Variants in CREBBP observed in about 807,000 individuals in gnomAD.
CREBBP encodes CREB binding lysine acetyltransferase.
CREBBP carries 19 observed loss-of-function variants against 265.0 expected under a neutral mutation model. That is an observed-to-expected ratio of 0.07 (90% CI 0.05 to 0.11). The LOEUF (loss-of-function observed/expected upper bound fraction) is 0.11. Among genes scored for constraint, CREBBP ranks in the 10% least tolerant of loss-of-function variants. The probability of loss-of-function intolerance (pLI) is 1.00; values close to 1 mark genes in which losing one functional copy is unlikely to be tolerated. For synonymous variants in CREBBP, 1,457 were observed against 1,223.7 expected (o/e 1.19, Z -3.98); for missense variants, 2,525 against 3,219.0 (o/e 0.78, Z 5.22).
intron 3 of CREBBP, among the ~76,000 whole-genome samples, chr16:3,799,277 C>A (rs1269794979): frequency 6.6e-6 from 1 of 152,060 alleles, no homozygotes; most frequent in African/African-American, 2.4e-5. Context: ...AAATACCACT[C>A]AACTGTACAC....
chr16:3,862,281 G>C lies in CREBBP; in HGVS notation c.86-11272C>G, dbSNP rs188962699. Among the ~76,000 whole-genome samples the C allele has an allele frequency of 2.6e-4, 39 of 152,300 alleles. 1 individual carries two copies. The highest frequency in any genetic ancestry group is 7.8e-4 in the Admixed American group (12 of 15,304). ...TCCAAAGAGGCAGGGACAGAAGACA[G>C]CAAGACAGGCAGGCAGAGATGGCTG... On this transcript the variant is annotated intron_variant, in intron 1 of 30. Transcript: ENST00000262367.
In CREBBP at chr16:3,731,456, G is replaced by T. The variant is rs945676155; in HGVS notation, c.4908C>A (p.His1636Gln). 6.3e-7 allele frequency: 1 copy of T among 1,591,744 alleles called. No individual in the cohort carries two copies. Among genetic ancestry groups the T allele is most frequent in the South Asian group, 1.1e-5 (1 of 88,050 alleles). ...EKHKEVFFVI[H>Q]LHAGPVINTL... is the part of the protein sequence containing the mutation. The stretch of plus-strand genomic sequence containing the variant: ...TGTTGATGACAGGCCCAGCGTGCAG[G>T]TGGATCACGAAGAAGACCTGCAGGA... Residue 1636 changes from histidine to glutamine, a missense_variant, in exon 30 of 31, where the codon CAC becomes CAA. By Grantham distance (24) the His-to-Gln change is conservative. Transcript: ENST00000262367. The surrounding 1 kb of genome is among the most constrained non-coding windows in gnomAD (Gnocchi z 7.7).
intron 28 of CREBBP, among the ~76,000 whole-genome samples, chr16:3,733,083 C>A (rs1208999071): frequency 3.3e-5 from 5 of 152,052 alleles, no homozygotes; most frequent in African/African-American, 1.2e-4. Flanking sequence ...AACAATCCAG[C>A]CGGGCGGGGT....
At chr16:3,758,140 CAGAA>C (rs993209863) in intron 17 of CREBBP, 92 bp from the exon 18 acceptor site, 1 of 1,348,902 alleles carries the variant, frequency 7.4e-7, no homozygotes, top group Non-Finnish European at 1.0e-6. Flanking sequence ...ATAATAGAAA[CAGAA>C]AGCACCAAAA....
intron 1 of CREBBP, among the ~76,000 whole-genome samples, chr16:3,867,555 GTT>G (rs2055201213): frequency 6.6e-6 from 1 of 151,990 alleles, no homozygotes; most frequent in South Asian, 2.1e-4. Flanking sequence ...CATTAAAATT[GTT>G]TTGTGTTATT....
intron 1 of CREBBP, among the ~76,000 whole-genome samples, chr16:3,871,216 C>A (rs1033087713): frequency 2.6e-5 from 4 of 151,114 alleles, no homozygotes; most frequent in Non-Finnish European, 5.9e-5. Flanking sequence ...CACACACACA[C>A]ACACACACAC....
rs776680528 is a variant in CREBBP at position 3,725,806 on chromosome 16, C to T, written c.*1912G>A. 1 of 233,120 alleles carries T rather than the reference C, an allele frequency of 4.3e-6. No homozygotes were observed. Among genetic ancestry groups the T allele is most frequent in the Non-Finnish European group, 8.5e-6 (1 of 118,020 alleles). The allele number at this position is 233,120 out of a possible 1,614,324, so 14.4% of individuals were successfully genotyped here. On this transcript the variant is annotated 3_prime_UTR_variant, in exon 31 of 31. Transcript: ENST00000262367. ...GTGAATGTAAGGGCCCAAACGGAAG[C>T]TATTTGGGGCGTGATTTCTAAAATT...
At chr16:3,765,725 G>A (rs553287109) in intron 16 of CREBBP, among the ~76,000 whole-genome samples, 25 of 152,114 alleles carry the variant, frequency 1.6e-4, no homozygotes, top group Non-Finnish European at 2.8e-4. Flanking sequence ...AAGGCTCAGT[G>A]CATCTTTGAC....
At chr16:3,837,141 T>C (rs778549768) in intron 2 of CREBBP, among the ~76,000 whole-genome samples, 8 of 152,332 alleles carry the variant, frequency 5.3e-5, no homozygotes, top group African/African-American at 1.4e-4. Flanking sequence ...ATTGTCATTA[T>C]AGGAGATGAC....
At chr16:3,814,211 C>T (rs929315845) in intron 2 of CREBBP, among the ~76,000 whole-genome samples, 2 of 116,456 alleles carry the variant, frequency 1.7e-5, no homozygotes, top group Non-Finnish European at 1.8e-5. Flanking sequence ...GACAGAGTCT[C>T]GTTCTGTGTG....
intron 16 of CREBBP, among the ~76,000 whole-genome samples, chr16:3,760,062 T>C (rs775693784): frequency 2.0e-5 from 3 of 152,168 alleles, no homozygotes; most frequent in Non-Finnish European, 4.4e-5. Context: ...TTATAAGTGA[T>C]GTATTTTTTC....
rs1567273064 is a variant in CREBBP, at chr16:3,740,533, T to G, written c.3999A>C (p.Arg1333Ser). 6.2e-7 allele frequency: 1 copy of G among 1,614,148 alleles called. No individual in the cohort carries two copies. The highest frequency in any genetic ancestry group is 1.1e-5 in the South Asian group (1 of 91,072). ...CTCGGTCTTCCAAGTGGTTTCCCAG[T>G]CTTGTGGTCTGCAGCCCTAGGAAGT... is the stretch of plus-strand genomic sequence containing the variant. ...KFSAKRLQTT[R>S]LGNHLEDRVN... The change falls in exon 24 of 31, where the codon AGA (arginine) becomes AGC (serine). Residue 1333 changes from arginine to serine, a missense_variant. Around this residue, in one of 19 missense-constraint regions of CREBBP, gnomAD observed 252 missense variants for 452.5 expected, o/e 0.56. Coordinates refer to ENST00000262367, the MANE Select transcript of CREBBP (RefSeq NM_004380.3).
chr16:3,798,967 G>A (rs1267289864), intron 3 of CREBBP, among the ~76,000 whole-genome samples: 1 of 152,048 alleles, frequency 6.6e-6, no homozygotes, highest in Non-Finnish European at 1.5e-5. Context: ...AACAAAACAC[G>A]GTGTATAACC....
Position 3,850,898 on chromosome 16 carries a change from T to C in CREBBP, c.197A>G (p.Lys66Arg), listed in dbSNP as rs2054820935. ...TAGAAGCTCCGACAGTTGTTTATGT[T>C]TGGAAGCAGCATCTGGAACAAGGTT... Reference protein sequence around the residue: ...SGNLVPDAASKHKQLSELLRG... With the variant: ...SGNLVPDAASRHKQLSELLRG... Residue 66 changes from lysine to arginine, a missense_variant, in exon 2 of 31, where the codon AAA becomes AGA. Lys to Arg is a conservative substitution (Grantham distance 26). Coordinates refer to ENST00000262367, the MANE Select transcript of CREBBP (RefSeq NM_004380.3). 6.2e-7 allele frequency: 1 copy of C among 1,614,144 alleles called. No homozygotes were observed. The highest frequency in any genetic ancestry group is 8.5e-7 in the Non-Finnish European group (1 of 1,180,044).
chr16:3,804,612 T>C (rs1459486228), intron 3 of CREBBP, among the ~76,000 whole-genome samples: 1 of 152,230 alleles, frequency 6.6e-6, no homozygotes, highest in Non-Finnish European at 1.5e-5. Flanking sequence ...ACTGAGTTGT[T>C]GCTTCTTGCA....
In CREBBP at chr16:3,731,040, C is replaced by CA; in HGVS notation, c.5172+151_5172+152insT. The CA allele has an allele frequency of 1.2e-6, 1 of 821,744 alleles. No homozygotes were observed. The highest frequency in any genetic ancestry group is 2.0e-6 in the Non-Finnish European group (1 of 499,494). 50.9% of individuals were successfully genotyped at this position (821,744 alleles called of 1,614,324 possible). On this transcript the variant is annotated intron_variant, in intron 30 of 30. Coordinates refer to ENST00000262367, the MANE Select transcript of CREBBP (RefSeq NM_004380.3). The surrounding 1 kb of genome is among the most constrained non-coding windows in gnomAD (Gnocchi z 7.7). ...GGTTTAGGAAACACACACACAGCAA[C>CA]GCCTTCTGCCTTGTGACGCTGTCCT...
Position 3,731,515 on chromosome 16 carries a change from G to A in CREBBP, c.4891-42C>T, listed in dbSNP as rs2151317918. Reference sequence around the variant, plus strand: ...GCTTTAGTCCCACACAAGGGACATGGCACCTCCAGTGGTGAGCTCAGGGCA... The same window carrying A: ...GCTTTAGTCCCACACAAGGGACATGACACCTCCAGTGGTGAGCTCAGGGCA... On this transcript the variant is annotated intron_variant, in intron 29 of 30. Transcript: ENST00000262367. This position sits in a 1 kb window ranked among gnomAD's most constrained non-coding sequence, Gnocchi z 7.7. 1 of 1,556,282 alleles carries A rather than the reference G, an allele frequency of 6.4e-7. No homozygotes were observed. Among genetic ancestry groups the A allele is most frequent in the Non-Finnish European group, 8.7e-7 (1 of 1,153,786 alleles).
At chr16:3,868,589 C>T (rs891373205) in intron 1 of CREBBP, among the ~76,000 whole-genome samples, 1 of 152,190 alleles carries the variant, frequency 6.6e-6, no homozygotes, top group Non-Finnish European at 1.5e-5. Flanking sequence ...ATTCAAGGCC[C>T]TTGGTGATGT....
chr16:3,828,985 T>C (rs1567344446), intron 2 of CREBBP, among the ~76,000 whole-genome samples: 1 of 152,144 alleles, frequency 6.6e-6, no homozygotes, highest in Non-Finnish European at 1.5e-5. Flanking sequence ...ATATAGTAAT[T>C]GTTATCCTTG....
Sources: gnomAD v4.1 joint callset for allele counts (sites outside exome capture counted in the v4.1 genomes callset) on GRCh38, gnomAD v4.1.1 for gene constraint, gnomAD v4.1.1 regional missense constraint, Gnocchi (gnomAD v3.1) non-coding constraint, MANE v1.5 for transcripts, NCBI Gene and HGNC (gene_info 2026-07-23, HGNC 2026-07-21) for gene names.